Variants in TRPM3 observed in about 807,000 individuals in gnomAD.
TRPM3 encodes long transient receptor potential channel 3.
A neutral mutation model predicts 181.2 loss-of-function variants in TRPM3; 77 were observed. The observed-to-expected ratio is 0.42, with a 90% CI of 0.35 to 0.51. The LOEUF (loss-of-function observed/expected upper bound fraction) is 0.51, where lower values mean the gene tolerates loss of function less well. Ranked by LOEUF, TRPM3 falls within the 20% of genes least tolerant of loss-of-function variation. The pLI, the probability that TRPM3 is intolerant of heterozygous loss-of-function variation, is 0.01. For synonymous variants in TRPM3, 745 were observed against 796.4 expected (o/e 0.94, Z 1.09); for missense variants, 1,759 against 2,196.7 (o/e 0.80, Z 3.98).
rs910819321 is a variant in TRPM3 at position 70,629,220 on chromosome 9, G to T, written c.1633-3703C>A. Among the ~76,000 whole-genome samples, 8 of 75,172 alleles carry T rather than the reference G, an allele frequency of 1.1e-4. 1 individual carries two copies. The South Asian group carries it at 3.6e-3, about 34-fold the overall frequency. 49.3% of individuals were successfully genotyped at this position (75,172 alleles called of 152,430 possible). On this transcript the variant is annotated intron_variant, in intron 12 of 25. Transcript: ENST00000677713. ...AATGATTCTGTGACCAGTGCCGGGG[G>T]GGGGGGGGGCCTGCGTTCTGTTTGA... is the stretch of plus-strand genomic sequence containing the variant.
At chr9:71,045,911 T>C (rs1288122121) in intron 1 of TRPM3, among the ~76,000 whole-genome samples, 1 of 152,132 alleles carries the variant, frequency 6.6e-6, no homozygotes, top group African/African-American at 2.4e-5. Context: ...GGATTATTTA[T>C]TGTAACACCT....
At chr9:70,978,810 G>A (rs2097333397) in intron 1 of TRPM3, among the ~76,000 whole-genome samples, 1 of 152,228 alleles carries the variant, frequency 6.6e-6, no homozygotes, top group Non-Finnish European at 1.5e-5. Context: ...CTGATGCCCT[G>A]CCAGTGTCTT....
At chr9:71,225,999 CAACAA>C (rs1483125854) in intron 1 of TRPM3, among the ~76,000 whole-genome samples, 1 of 5,510 alleles carries the variant, frequency 1.8e-4, no homozygotes, top group Non-Finnish European at 3.8e-4. Context: ...TGAATAGAAA[CAACAA>C]AAGGTAAAAA....
At chr9:70,582,181 C>CGT (rs3073501) in intron 22 of TRPM3, among the ~76,000 whole-genome samples, 26,716 of 149,070 alleles carry the variant, frequency 0.18, 2,285 homozygotes, top group African/African-American at 0.21. Context: ...CCACCCTGTG[C>CGT]GTGTGTGTGT....
intron 1 of TRPM3, among the ~76,000 whole-genome samples, chr9:71,308,124 C>A (rs185345041): frequency 6.6e-6 from 1 of 152,108 alleles, no homozygotes; most frequent in African/African-American, 2.4e-5. Context: ...GCATGTGCCA[C>A]CACACCTGGC....
chr9:71,145,639 T>G (rs2075362802), intron 1 of TRPM3, among the ~76,000 whole-genome samples: 1 of 151,954 alleles, frequency 6.6e-6, no homozygotes, highest in African/African-American at 2.4e-5. Flanking sequence ...TTTTCTTCTG[T>G]GCAATAAAAA....
intron 8 of TRPM3, among the ~76,000 whole-genome samples, chr9:70,699,306 A>C (rs1182928316): frequency 6.6e-6 from 1 of 152,194 alleles, no homozygotes; most frequent in Non-Finnish European, 1.5e-5. Flanking sequence ...GGAGAAGATG[A>C]GGATTTGGCC....
chr9:71,112,384 T>C lies in TRPM3; in HGVS notation c.177+8794A>G, dbSNP rs78657221. Among the ~76,000 whole-genome samples the C allele has an allele frequency of 4.9e-3, 753 of 152,274 alleles. 19 individuals are homozygous for C. In the East Asian group the frequency reaches 0.078, roughly 16 times the overall value. ...CTACCTACAAAGATTCTTCCTTGAG[T>C]ACATATTTTATTCTGGGTCACTTTC... is the stretch of plus-strand genomic sequence containing the variant. On this transcript the variant is annotated intron_variant, in intron 1 of 25. Transcript: ENST00000677713.
At chr9:70,787,031 T>C (rs1398888031) in intron 6 of TRPM3, among the ~76,000 whole-genome samples, 1 of 152,148 alleles carries the variant, frequency 6.6e-6, no homozygotes, top group African/African-American at 2.4e-5. Flanking sequence ...GGAAACCTCC[T>C]CTCCCTTTGA....
At chr9:71,283,992 T>C (rs2085069461) in intron 1 of TRPM3, among the ~76,000 whole-genome samples, 1 of 152,204 alleles carries the variant, frequency 6.6e-6, no homozygotes, top group African/African-American at 2.4e-5. Context: ...TTAGACAATA[T>C]ATTAGGGAGG....
In TRPM3 at chr9:71,336,980, G is replaced by T. The variant is rs541843704; in HGVS notation, c.183+109673C>A. Among the ~76,000 whole-genome samples, 75 of 152,120 alleles carry T rather than the reference G, an allele frequency of 4.9e-4. 1 individual carries two copies. The highest frequency in any genetic ancestry group is 6.6e-4 in the Non-Finnish European group (45 of 68,010). ...AGATGGATTAAAGACTTCAACGTAA[G>T]ATCTAAAATGATAAAAACACTAGAA... On this transcript the variant is annotated intron_variant, in intron 1 of 24. Transcript: ENST00000357533.
intron 1 of TRPM3, among the ~76,000 whole-genome samples, chr9:70,974,733 A>T (rs1383566609): frequency 1.3e-5 from 1 of 76,816 alleles, no homozygotes; most frequent in Non-Finnish European, 2.9e-5. Flanking sequence ...CATCTCAAAA[A>T]TAATAATAAT....
chr9:70,566,577 G>A (rs1261208168), intron 22 of TRPM3, among the ~76,000 whole-genome samples: 3 of 152,204 alleles, frequency 2.0e-5, no homozygotes, highest in Non-Finnish European at 4.4e-5. Context: ...AAGAAACTGA[G>A]TAATTGCTCC....
At chr9:71,369,270 A>T (rs1266636377) in intron 1 of TRPM3, among the ~76,000 whole-genome samples, 1 of 152,166 alleles carries the variant, frequency 6.6e-6, no homozygotes, top group Non-Finnish European at 1.5e-5. Flanking sequence ...GAGAAAAAAG[A>T]GGGAAAATAC....
In TRPM3 at chr9:70,864,495, A is replaced by T. The variant is rs756631977; in HGVS notation, c.194T>A (p.Ile65Lys). ...VRLLKAQKSW[I>K]ERAFYKRECV... is the part of the protein sequence containing the mutation. ...TTCTCTTTTATAAAATGCTCTTTCTATCCAGGATTTCTGAGCCTGAAAAAG... is the reference window on the plus strand; with the variant it reads ...TTCTCTTTTATAAAATGCTCTTTCTTTCCAGGATTTCTGAGCCTGAAAAAG... Residue 65 changes from isoleucine to lysine, a missense_variant, in exon 2 of 26, where the codon ATA becomes AAA. Ile to Lys is a moderately radical substitution (Grantham distance 102). Around this residue, in one of 8 missense-constraint regions of TRPM3, gnomAD observed 737 missense variants for 957.4 expected, o/e 0.77. Coordinates refer to ENST00000677713, the MANE Select transcript of TRPM3 (RefSeq NM_001366145.2). 13 of 1,434,328 alleles carry T rather than the reference A, an allele frequency of 9.1e-6. No homozygotes were observed. Among genetic ancestry groups the T allele is most frequent in the Non-Finnish European group, 1.2e-5 (13 of 1,090,920 alleles). The allele number at this position is 1,434,328 out of a possible 1,614,324, so 88.9% of individuals were successfully genotyped here. A position where few individuals can be genotyped will look rare whatever the true frequency, so the allele number is the denominator to read the frequency against.
intron 1 of TRPM3, among the ~76,000 whole-genome samples, chr9:71,279,062 T>A (rs1504386): frequency 0.37 from 34,364 of 91,984 alleles, 7,250 homozygotes; most frequent in African/African-American, 0.46. Context: ...AAAATAAAAA[T>A]AAAAAAACCA....
intron 12 of TRPM3, among the ~76,000 whole-genome samples, chr9:70,626,242 T>C (rs2064573198): frequency 6.6e-6 from 1 of 152,208 alleles, no homozygotes; most frequent in Non-Finnish European, 1.5e-5. Flanking sequence ...GGAGAGTTAG[T>C]TCCATTTGTG....
intron 7 of TRPM3, chr9:70,783,822 C>G: frequency 1.9e-6 from 2 of 1,059,280 alleles, no homozygotes; most frequent in Non-Finnish European, 1.1e-6. Flanking sequence ...GAAGGAGATA[C>G]GAAGAGAAGA....
intron 1 of TRPM3, among the ~76,000 whole-genome samples, chr9:71,250,740 C>A (rs903258517): frequency 4.5e-4 from 69 of 152,018 alleles, no homozygotes; most frequent in African/African-American, 1.5e-3. Flanking sequence ...GGGGCAGGAG[C>A]CAGAAGCAGA....
Sources: gnomAD v4.1 joint callset for allele counts (sites outside exome capture counted in the v4.1 genomes callset) on GRCh38, gnomAD v4.1.1 for gene constraint, gnomAD v4.1.1 regional missense constraint, MANE v1.5 for transcripts, NCBI Gene and HGNC (gene_info 2026-07-23, HGNC 2026-07-21) for gene names.